SERPINA3: variants seen among roughly 807,000 people sequenced by gnomAD.
SERPINA3 encodes the protein serpin family A member 3.
A neutral mutation model predicts 26.8 loss-of-function variants in SERPINA3; 32 were observed. The ratio of observed to expected loss-of-function variants is 1.20; its 90% CI spans 0.90 to 1.61. The LOEUF (loss-of-function observed/expected upper bound fraction) is 1.61. Among genes scored for constraint, SERPINA3 ranks in the 40% most tolerant of loss-of-function variants. The pLI, the probability that SERPINA3 is intolerant of heterozygous loss-of-function variation, is 0.00. For missense variants in SERPINA3, 632 were observed against 517.9 expected, an observed-to-expected ratio of 1.22 and a Z score of -2.14; for synonymous variants, 252 against 206.4, an observed-to-expected ratio of 1.22 and a Z score of -1.89.
intron 2 of SERPINA3, chr14:94,617,886 C>T (rs1486404506): frequency 1.3e-5 from 2 of 152,184 alleles, no homozygotes; most frequent in Non-Finnish European, 2.9e-5. Context: ...ACTTCCTCCT[C>T]TGCATCTTCT....
intron 2 of SERPINA3, among the ~76,000 whole-genome samples, chr14:94,616,795 C>T (rs1289746587): frequency 6.6e-6 from 1 of 152,128 alleles, no homozygotes; most frequent in East Asian, 1.9e-4. Flanking sequence ...AAGCAGAGAT[C>T]AGATACTAAA....
At position 94,619,209 on chromosome 14, in the gene SERPINA3, C is replaced by A; in HGVS notation, c.658C>A (p.Pro220Thr). The A allele has an allele frequency of 6.2e-7, 1 of 1,613,664 alleles. No homozygotes were observed. Among genetic ancestry groups the A allele is most frequent in the Non-Finnish European group, 8.5e-7 (1 of 1,179,606 alleles). Reference protein sequence around the residue: ...YIFFKAKWEMPFDPQDTHQSR... With the variant: ...YIFFKAKWEMTFDPQDTHQSR... ...TCCACCTTCAGCCAAATGGGAGATG[C>A]CCTTTGACCCCCAAGATACTCATCA... Residue 220 changes from proline to threonine, a missense_variant, in exon 3 of 5, where the codon CCC (proline) becomes ACC (threonine). Pro to Thr is a conservative substitution (Grantham distance 38). Coordinates refer to ENST00000393078, the MANE Select transcript of SERPINA3 (RefSeq NM_001085.5).
At chr14:94,623,302 T>A (rs1402994556) in intron 4 of SERPINA3, among the ~76,000 whole-genome samples, 2 of 152,156 alleles carry the variant, frequency 1.3e-5, no homozygotes. Context: ...CCAACAGTAG[T>A]GGCTGTTTTG....
At chr14:94,612,874 C>CATGG (rs1001116072) in intron 1 of SERPINA3, among the ~76,000 whole-genome samples, 3 of 152,128 alleles carry the variant, frequency 2.0e-5, no homozygotes, top group Admixed American at 6.5e-5. Context: ...TCAGGGTCTC[C>CATGG]ATGGGGCTGC....
intron 2 of SERPINA3, chr14:94,618,731 T>G: frequency 8.0e-6 from 2 of 248,730 alleles, no homozygotes; most frequent in South Asian, 5.5e-5. Flanking sequence ...CAGAACCCAG[T>G]CTCTTTCCTC....
At chr14:94,622,950 C>T (rs1356817427) in intron 4 of SERPINA3, among the ~76,000 whole-genome samples, 1 of 152,194 alleles carries the variant, frequency 6.6e-6, no homozygotes, top group Non-Finnish European at 1.5e-5. Flanking sequence ...GGACACTCAG[C>T]CTGTGTTACT....
chr14:94,620,878 C>G (rs995353600), intron 3 of SERPINA3, among the ~76,000 whole-genome samples: 5 of 152,086 alleles, frequency 3.3e-5, no homozygotes, highest in Admixed American at 1.3e-4. Flanking sequence ...GGAAGGAGCA[C>G]CAGCCTTGGG....
Position 94,623,600 on chromosome 14 carries a change from T to C in SERPINA3, c.1069-11T>C. 6.2e-7 allele frequency: 1 copy of C among 1,613,428 alleles called. No individual in the cohort carries two copies. Among genetic ancestry groups the C allele is most frequent in the Non-Finnish European group, 8.5e-7 (1 of 1,179,696 alleles). Reference sequence around the variant, plus strand: ...GTGTTTCCCGTGTGTAATGTTCTGCTGTCCCCACAGGTGGTCCATAAGGCT... The same window carrying C: ...GTGTTTCCCGTGTGTAATGTTCTGCCGTCCCCACAGGTGGTCCATAAGGCT... On this transcript the variant is annotated splice_polypyrimidine_tract_variant and intron_variant, in intron 4 of 4. Coordinates refer to ENST00000393078, the MANE Select transcript of SERPINA3 (RefSeq NM_001085.5).
intron 1 of SERPINA3, chr14:94,613,983 T>C (rs1595093663): frequency 1.7e-5 from 3 of 180,448 alleles, no homozygotes; most frequent in South Asian, 1.2e-4. Flanking sequence ...GGTTCTACTT[T>C]GGTGGCAGTT....
At chr14:94,623,531 C>T (rs1320244926) in intron 4 of SERPINA3, 80 bp from the exon 5 acceptor site, 2 of 1,314,248 alleles carry the variant, frequency 1.5e-6, no homozygotes, top group African/African-American at 1.4e-5. Flanking sequence ...GCACATTAGA[C>T]CCCTTAGTGG....
intron 2 of SERPINA3, chr14:94,615,603 A>G: frequency 2.9e-6 from 1 of 343,502 alleles, no homozygotes; most frequent in South Asian, 2.1e-5. Context: ...GAGCCTGGCC[A>G]CTTCCAAGAT....
chr14:94,619,003 C>A (rs1886095836), intron 2 of SERPINA3, 192 bp from the exon 3 acceptor site: 1 of 656,538 alleles, frequency 1.5e-6, no homozygotes, highest in East Asian at 2.7e-5. Context: ...TCTTTTGTGG[C>A]CCTTTTCCCA....
At position 94,619,233 on chromosome 14, in the gene SERPINA3, C is replaced by T. The variant is rs1349566939; in HGVS notation, c.682C>T (p.Gln228Ter). 6.2e-6 allele frequency: 10 copies of T among 1,614,080 alleles called. No individual in the cohort carries two copies. The Admixed American group carries it at 1.3e-4, about 22-fold the overall frequency. Residue 228 changes from glutamine (Q) to a stop codon, truncating the protein, a stop_gained, in exon 3 of 5, where the codon CAG (glutamine) becomes TAG (stop). Transcript: ENST00000393078. LOFTEE classifies it high-confidence loss of function. ...EMPFDPQDTH[Q>*]SRFYLSKKKW... ...GCCCTTTGACCCCCAAGATACTCAT[C>T]AGTCAAGGTTCTACTTGAGCAAGAA...
chr14:94,612,846 A>G (rs537174344), intron 1 of SERPINA3, among the ~76,000 whole-genome samples: 1 of 152,256 alleles, frequency 6.6e-6, no homozygotes, highest in South Asian at 2.1e-4. Context: ...AGCAGAGGCC[A>G]CAGGCCTCAC....
chr14:94,623,809 G>A lies in SERPINA3; in HGVS notation c.1267G>A (p.Ala423Thr), dbSNP rs571810166. 112 of 1,614,010 alleles carry A rather than the reference G, an allele frequency of 6.9e-5. No individual in the cohort carries two copies. The Admixed American group carries it at 1.7e-3, about 24-fold the overall frequency. The change falls in exon 5 of 5, where the codon GCC (alanine) becomes ACC (threonine). Residue 423 changes from alanine to threonine, a missense_variant. Ala to Thr is a moderately conservative substitution (Grantham distance 58, BLOSUM62 0). Transcript: ENST00000393078. ...GAGCAAAGTCACCAATCCCAAGCAA[G>A]CCTAGAGCTTGCCATCAAGCAGTGG... ...FMSKVTNPKQ[A>T]
intron 3 of SERPINA3, 148 bp downstream of exon 3, chr14:94,619,616 G>T: frequency 1.0e-6 from 1 of 966,816 alleles, no homozygotes; most frequent in Non-Finnish European, 1.6e-6. Flanking sequence ...ACATGGCTTT[G>T]GGCTTGATTT....
chr14:94,619,344 G>A lies in SERPINA3; in HGVS notation c.793G>A (p.Glu265Lys), dbSNP rs200838094. Residue 265 changes from glutamate to lysine, a missense_variant, in exon 3 of 5, where the codon GAG (glutamate) becomes AAG (lysine). Transcript: ENST00000393078. ...RDEELSCTVVELKYTGNASAL... is the reference protein window; with the variant it reads ...RDEELSCTVVKLKYTGNASAL... ...CGAGGAGCTGTCCTGCACCGTGGTG[G>A]AGCTGAAGTACACAGGCAATGCCAG... 2 of 1,614,190 alleles carry A rather than the reference G, an allele frequency of 1.2e-6. No individual in the cohort carries two copies. The highest frequency in any genetic ancestry group is 1.7e-6 in the Non-Finnish European group (2 of 1,180,046).
At chr14:94,619,872 C>G in intron 3 of SERPINA3, 1 of 256,044 alleles carries the variant, frequency 3.9e-6, no homozygotes, top group South Asian at 6.9e-5. Context: ...TATTCATTCT[C>G]TCAGCATTTG....
intron 2 of SERPINA3, chr14:94,617,706 G>A (rs1365002813): frequency 3.3e-5 from 5 of 152,124 alleles, no homozygotes; most frequent in African/African-American, 4.8e-5. Flanking sequence ...AAGTAAAGCC[G>A]TTTGTGACTT....
Sources: gnomAD v4.1 joint callset for allele counts (sites outside exome capture counted in the v4.1 genomes callset) on GRCh38, gnomAD v4.1.1 for gene constraint, MANE v1.5 for transcripts, NCBI Gene and HGNC (gene_info 2026-07-23, HGNC 2026-07-21) for gene names.